The following ALDH3A2 variants were observed in gnomAD, a reference collection of about 807,000 sequenced individuals.
ALDH3A2 encodes aldehyde dehydrogenase family 3 member A2.
A neutral mutation model predicts 51.3 loss-of-function variants in ALDH3A2; 36 were observed. The ratio of observed to expected loss-of-function variants is 0.70; its 90% CI spans 0.54 to 0.93. ALDH3A2 has a LOEUF of 0.93. Ranked by LOEUF, ALDH3A2 falls within the 40% of genes least tolerant of loss-of-function variation. ALDH3A2 has a pLI of 0.00. For missense variants in ALDH3A2, 552 were observed against 603.1 expected, an observed-to-expected ratio of 0.92 and a Z score of 0.89; for synonymous variants, 199 against 219.8, an observed-to-expected ratio of 0.91 and a Z score of 0.84.
rs772618115 is a variant in ALDH3A2 at position 19,656,355 on chromosome 17, C to T, written c.472-11C>T. 13 of 1,610,208 alleles carry T rather than the reference C, an allele frequency of 8.1e-6. No homozygotes were observed. Among genetic ancestry groups the T allele is most frequent in the Non-Finnish European group, 1.1e-5 (13 of 1,176,712 alleles). On this transcript the variant is annotated splice_polypyrimidine_tract_variant and intron_variant, in intron 3 of 9. Coordinates refer to ENST00000176643, the MANE Select transcript of ALDH3A2 (RefSeq NM_000382.3). ...TGGCAGTGCAAGAGTTTGTGTTTCTCTTTCTTTGAGGATCTCTATATTGTT... is the reference window on the plus strand; with the variant it reads ...TGGCAGTGCAAGAGTTTGTGTTTCTTTTTCTTTGAGGATCTCTATATTGTT...
chr17:19,672,096 C>A, intron 9 of ALDH3A2, 140 bp downstream of exon 9: 1 of 816,464 alleles, frequency 1.2e-6, no homozygotes, highest in East Asian at 2.6e-5. Context: ...GCCAGCTACC[C>A]GTTTTTGTCA....
chr17:19,653,613 G>A (rs897510828), intron 3 of ALDH3A2, among the ~76,000 whole-genome samples: 3 of 152,030 alleles, frequency 2.0e-5, no homozygotes, highest in Non-Finnish European at 4.4e-5. Flanking sequence ...CATTCCTCCC[G>A]GTGGGTTCGT....
At chr17:19,667,348 C>T (rs1243055662) in intron 8 of ALDH3A2, among the ~76,000 whole-genome samples, 3 of 151,894 alleles carry the variant, frequency 2.0e-5, no homozygotes, top group African/African-American at 4.8e-5. Flanking sequence ...TTTGGTATTA[C>T]GATTCTTATA....
At chr17:19,665,722 T>A (rs1011754125) in intron 8 of ALDH3A2, among the ~76,000 whole-genome samples, 5 of 152,172 alleles carry the variant, frequency 3.3e-5, no homozygotes, top group African/African-American at 1.2e-4. Context: ...TGACTCAGCT[T>A]TTTATTTCTC....
chr17:19,649,205 T>G, intron 1 of ALDH3A2, 81 bp downstream of exon 1: 1 of 1,509,238 alleles, frequency 6.6e-7, no homozygotes, highest in South Asian at 1.2e-5. Context: ...GGGTTTTGTT[T>G]TTGCTTTTAC....
chr17:19,648,863 A>ACC lies in ALDH3A2; in HGVS notation c.-104_-103dup. 1 of 1,388,838 alleles carries ACC rather than the reference A, an allele frequency of 7.2e-7. No individual in the cohort carries two copies. Among genetic ancestry groups the ACC allele is most frequent in the East Asian group, 2.5e-5 (1 of 39,582 alleles). The allele number at this position is 1,388,838 out of a possible 1,614,324, so 86.0% of individuals were successfully genotyped here. ...GTGGCTGTGGGTTGACGGTGGAGAC[A>ACC]CCCCCCGGAGGGAGGCGGAGGGAAG... On this transcript the variant is annotated 5_prime_UTR_variant, in exon 1 of 10. Coordinates refer to ENST00000176643, the MANE Select transcript of ALDH3A2 (RefSeq NM_000382.3).
chr17:19,653,997 G>C (rs537436150), intron 3 of ALDH3A2, among the ~76,000 whole-genome samples: 184 of 152,266 alleles, frequency 1.2e-3, no homozygotes, highest in African/African-American at 4.3e-3. Flanking sequence ...AGATTAGCTA[G>C]ACACAGAGCA....
chr17:19,649,291 G>A (rs1597546677), intron 1 of ALDH3A2, 167 bp downstream of exon 1: 2 of 910,108 alleles, frequency 2.2e-6, no homozygotes, highest in Non-Finnish European at 3.2e-6. Context: ...AGACTTTCCC[G>A]GTCCTCTAGC....
chr17:19,650,150 G>A (rs1021699160), intron 1 of ALDH3A2, among the ~76,000 whole-genome samples: 1 of 152,162 alleles, frequency 6.6e-6, no homozygotes, highest in African/African-American at 2.4e-5. Context: ...GGCCTCAAGT[G>A]ATCCGCCTGC....
chr17:19,649,651 T>C (rs1427869335), intron 1 of ALDH3A2: 2 of 152,776 alleles, frequency 1.3e-5, no homozygotes, highest in Non-Finnish European at 2.9e-5. Flanking sequence ...AGTTTTGTTT[T>C]TAAGTTATAG....
chr17:19,671,821 C>CA lies in ALDH3A2; in HGVS notation c.1311dup (p.Leu438ThrfsTer67). ...AAAGTTTAAAGAGAGAAGGTGCTAA[C>CA]AAACTCAGATATCCTCCCAACAGCC... On this transcript the variant is annotated frameshift_variant, in exon 9 of 10. Coordinates refer to ENST00000176643, the MANE Select transcript of ALDH3A2 (RefSeq NM_000382.3). LOFTEE classifies it high-confidence loss of function. 6.2e-7 allele frequency: 1 copy of CA among 1,614,178 alleles called. No homozygotes were observed. The highest frequency in any genetic ancestry group is 8.5e-7 in the Non-Finnish European group (1 of 1,179,998).
chr17:19,663,642 T>A, intron 7 of ALDH3A2, 143 bp downstream of exon 7: 2 of 1,019,438 alleles, frequency 2.0e-6, no homozygotes, highest in Non-Finnish European at 2.9e-6. Context: ...CTAAGTGAGG[T>A]TGTGTTCCGA....
At chr17:19,669,292 G>C (rs780609572) in intron 8 of ALDH3A2, among the ~76,000 whole-genome samples, 1 of 152,102 alleles carries the variant, frequency 6.6e-6, no homozygotes, top group African/African-American at 2.4e-5. Context: ...AACAGAGCGA[G>C]ACTCCATCTC....
In ALDH3A2 at chr17:19,651,558, T is replaced by C. The variant is rs2152326401; in HGVS notation, c.165T>C (p.Asn55=). 6.2e-7 allele frequency: 1 copy of C among 1,612,848 alleles called. No homozygotes were observed. Among genetic ancestry groups the C allele is most frequent in the Non-Finnish European group, 8.5e-7 (1 of 1,178,784 alleles). The change falls in exon 2 of 10, where the codon AAT becomes AAC. Residue 55 remains asparagine (N), a synonymous_variant. Transcript: ENST00000176643. ...TTCTCTTATAACAGAGTGAATTCAA[T>C]GTGTACAGTCAGGAAGTCATTACTG... ...IAADLCKSEF[N]VYSQEVITVL...
At chr17:19,660,328 C>T (rs2084950458) in intron 5 of ALDH3A2, among the ~76,000 whole-genome samples, 1 of 152,042 alleles carries the variant, frequency 6.6e-6, no homozygotes, top group South Asian at 2.1e-4. Flanking sequence ...ACTCTCGAGT[C>T]AGAGCCCAGG....
At chr17:19,658,498 G>T (rs1357179784) in intron 5 of ALDH3A2, among the ~76,000 whole-genome samples, 1 of 151,840 alleles carries the variant, frequency 6.6e-6, no homozygotes, top group Non-Finnish European at 1.5e-5. Context: ...GCCTAGGGGG[G>T]CAGATCACTT....
At chr17:19,659,166 G>A (rs1472070853) in intron 5 of ALDH3A2, among the ~76,000 whole-genome samples, 2 of 152,134 alleles carry the variant, frequency 1.3e-5, no homozygotes, top group African/African-American at 4.8e-5. Context: ...GGGAGGTGGA[G>A]CTTGCAGTGA....
In ALDH3A2 at chr17:19,671,833, T is replaced by A; in HGVS notation, c.1320T>A (p.Tyr440Ter). The stretch of plus-strand genomic sequence containing the variant: ...GAGAAGGTGCTAACAAACTCAGATA[T>A]CCTCCCAACAGCCAGTCAAAGGTGG... Reference protein sequence around the residue: ...LKREGANKLRYPPNSQSKVDW... With the variant: ...LKREGANKLR Residue 440 changes from tyrosine to a stop codon, truncating the protein, a stop_gained, in exon 9 of 10, where the codon TAT becomes TAA. Transcript: ENST00000176643. LOFTEE classifies it high-confidence loss of function. 6.2e-7 allele frequency: 1 copy of A among 1,614,136 alleles called. No individual in the cohort carries two copies. The highest frequency in any genetic ancestry group is 1.1e-5 in the South Asian group (1 of 91,080).
Position 19,654,301 on chromosome 17 carries a change from G to A in ALDH3A2, c.471+1669G>A, listed in dbSNP as rs1354339615. On this transcript the variant is annotated intron_variant, in intron 3 of 9. Transcript: ENST00000176643. The surrounding 1 kb of genome is among the most constrained non-coding windows in gnomAD (Gnocchi z 4.5). ...GGGTGGAGCTGCCCATCAGTCCAGC[G>A]CTGCGCGCCTGCACCCCTCAGCCCT... 2.0e-5 allele frequency among the ~76,000 whole-genome samples: 3 copies of A among 152,266 alleles called. No homozygotes were observed. The highest frequency in any genetic ancestry group is 7.2e-5 in the African/African-American group (3 of 41,478).
Sources: allele counts gnomAD v4.1 joint callset (sites outside exome capture counted in the v4.1 genomes callset), GRCh38; gene constraint gnomAD v4.1.1; non-coding constraint Gnocchi (gnomAD v3.1); transcripts MANE v1.5; gene names NCBI Gene and HGNC (gene_info 2026-07-23, HGNC 2026-07-21).